STAG1: variants seen among roughly 807,000 people sequenced by gnomAD.
The protein encoded by STAG1 is cohesin subunit SA-1.
STAG1 carries 26 observed loss-of-function variants against 170.9 expected under a neutral mutation model. The ratio of observed to expected loss-of-function variants is 0.15; its 90% CI spans 0.11 to 0.21. STAG1 has a LOEUF of 0.21. Ranked by LOEUF, STAG1 falls within the 10% of genes least tolerant of loss-of-function variation. The pLI is 1.00. For synonymous variants in STAG1, 514 were observed against 497.7 expected (o/e 1.03, Z -0.44); for missense variants, 964 against 1,509.5 (o/e 0.64, Z 5.99).
intron 2 of STAG1, among the ~76,000 whole-genome samples, chr3:136,623,985 T>C (rs1490190129): frequency 6.6e-6 from 1 of 152,042 alleles, no homozygotes; most frequent in African/African-American, 2.4e-5. Flanking sequence ...ACATAAAGGA[T>C]ACTTAGCATA....
chr3:136,682,211 T>C (rs1942358850), intron 1 of STAG1, among the ~76,000 whole-genome samples: 1 of 151,900 alleles, frequency 6.6e-6, no homozygotes, highest in Non-Finnish European at 1.5e-5. Context: ...GGTGGGTGGA[T>C]CACCTAAGTT....
intron 3 of STAG1, among the ~76,000 whole-genome samples, chr3:136,615,809 AAC>A (rs916895538): frequency 6.1e-4 from 92 of 152,042 alleles, no homozygotes; most frequent in African/African-American, 2.2e-3. Flanking sequence ...AAAAAGAAAA[AAC>A]ATATTCCCAC....
At chr3:136,375,875 CAG>C (rs768334490) in intron 23 of STAG1, among the ~76,000 whole-genome samples, 76 of 151,488 alleles carry the variant, frequency 5.0e-4, no homozygotes, top group Non-Finnish European at 9.1e-4. Flanking sequence ...GAGGCTGAGA[CAG>C]GGAATTGCTT....
intron 14 of STAG1, among the ~76,000 whole-genome samples, chr3:136,449,850 A>G (rs1391548738): frequency 6.6e-6 from 1 of 151,966 alleles, no homozygotes; most frequent in East Asian, 1.9e-4. Flanking sequence ...CATATTCCCT[A>G]AACTTTTTAG....
intron 14 of STAG1, among the ~76,000 whole-genome samples, chr3:136,449,734 G>C (rs2088882945): frequency 6.6e-6 from 1 of 152,060 alleles, no homozygotes; most frequent in Non-Finnish European, 1.5e-5. Context: ...CAAAACGCCT[G>C]AAACTAAGTA....
At chr3:136,508,931 G>C (rs1190481626) in intron 7 of STAG1, among the ~76,000 whole-genome samples, 3 of 152,248 alleles carry the variant, frequency 2.0e-5, no homozygotes, top group Non-Finnish European at 4.4e-5. Flanking sequence ...AAAGATGCAA[G>C]AATATCTCTT....
intron 4 of STAG1, among the ~76,000 whole-genome samples, chr3:136,595,807 C>A (rs1159482268): frequency 6.6e-6 from 1 of 150,572 alleles, no homozygotes; most frequent in Non-Finnish European, 1.5e-5. Flanking sequence ...TACCTGCCCA[C>A]CAAATCATCA....
At chr3:136,382,392 C>T (rs1938016770) in intron 22 of STAG1, among the ~76,000 whole-genome samples, 1 of 150,720 alleles carries the variant, frequency 6.6e-6, no homozygotes, top group Non-Finnish European at 1.5e-5. Flanking sequence ...GTGAAACAAC[C>T]AAGGCTTTCT....
At chr3:136,681,697 C>T (rs1942342074) in intron 1 of STAG1, among the ~76,000 whole-genome samples, 1 of 151,908 alleles carries the variant, frequency 6.6e-6, no homozygotes, top group Non-Finnish European at 1.5e-5. Context: ...TAAACCATAA[C>T]CAAATGACAT....
At chr3:136,604,082 T>C (rs916111004) in intron 4 of STAG1, among the ~76,000 whole-genome samples, 3 of 151,444 alleles carry the variant, frequency 2.0e-5, no homozygotes, top group African/African-American at 7.4e-5. Flanking sequence ...CAGCTTCTAG[T>C]AGACCTTTTT....
At chr3:136,540,033 T>C (rs1270468953) in intron 6 of STAG1, among the ~76,000 whole-genome samples, 2 of 151,912 alleles carry the variant, frequency 1.3e-5, no homozygotes, top group African/African-American at 2.4e-5. Context: ...TCAGATCTTT[T>C]AGAATATTAT....
At chr3:136,528,210 T>C (rs1261323389) in intron 6 of STAG1, among the ~76,000 whole-genome samples, 1 of 152,200 alleles carries the variant, frequency 6.6e-6, no homozygotes, top group Non-Finnish European at 1.5e-5. Flanking sequence ...ACAGGCCTCC[T>C]TGAGCTGTGG....
chr3:136,466,731 A>C (rs2089473019), intron 12 of STAG1, among the ~76,000 whole-genome samples: 1 of 152,182 alleles, frequency 6.6e-6, no homozygotes, highest in African/African-American at 2.4e-5. Context: ...ATGAAGGAAA[A>C]AATGTTAAGG....
In STAG1 at chr3:136,645,883, T is replaced by C. The variant is rs115059544; in HGVS notation, c.-83-14902A>G. On this transcript the variant is annotated intron_variant, in intron 1 of 33. Coordinates refer to ENST00000383202, the MANE Select transcript of STAG1 (RefSeq NM_005862.3). ...ACATTCACTGAAGGTATCTGCATCTTAGTCTTATTTCTGCCCTGCCCTACC... is the reference window on the plus strand; with the variant it reads ...ACATTCACTGAAGGTATCTGCATCTCAGTCTTATTTCTGCCCTGCCCTACC... Among the ~76,000 whole-genome samples, 528 of 152,330 alleles carry C rather than the reference T, an allele frequency of 3.5e-3. 1 individual carries two copies. Among genetic ancestry groups the C allele is most frequent in the African/African-American group, 0.012 (502 of 41,580 alleles).
rs746840862 is a variant in STAG1, at chr3:136,521,395, G to A, written c.494C>T (p.Thr165Ile). ...FDEDSGDYPL[T>I]MPGPQWKKFR... ...TTTTTTCCACTGAGGTCCAGGCATGGTAAGAGGATAATCACCACTGTCCTA... is the reference window on the plus strand; with the variant it reads ...TTTTTTCCACTGAGGTCCAGGCATGATAAGAGGATAATCACCACTGTCCTA... Residue 165 changes from threonine to isoleucine, a missense_variant, in exon 7 of 34, where the codon ACC (threonine) becomes ATC (isoleucine). Transcript: ENST00000383202. The A allele has an allele frequency of 1.2e-6, 2 of 1,613,382 alleles. No individual in the cohort carries two copies. The highest frequency in any genetic ancestry group is 1.7e-5 in the Admixed American group (1 of 59,924).
At chr3:136,383,102 G>A (rs897354902) in intron 22 of STAG1, among the ~76,000 whole-genome samples, 1 of 152,110 alleles carries the variant, frequency 6.6e-6, no homozygotes, top group Non-Finnish European at 1.5e-5. Context: ...GTTGAGGAAG[G>A]CTGCCATTAC....
At chr3:136,705,397 AC>A (rs1943201276) in intron 1 of STAG1, among the ~76,000 whole-genome samples, 1 of 150,436 alleles carries the variant, frequency 6.6e-6, no homozygotes, top group Non-Finnish European at 1.5e-5. Context: ...ACACACACAC[AC>A]ACACACACAC....
chr3:136,490,031 T>TTTTAA (rs544484327), intron 9 of STAG1, among the ~76,000 whole-genome samples: 2 of 152,110 alleles, frequency 1.3e-5, no homozygotes, highest in African/African-American at 2.4e-5. Flanking sequence ...TTAATTTTAG[T>TTTTAA]TTTAATTTAA....
chr3:136,348,520 C>T (rs1936318544), intron 29 of STAG1, among the ~76,000 whole-genome samples: 1 of 152,090 alleles, frequency 6.6e-6, no homozygotes, highest in Non-Finnish European at 1.5e-5. Context: ...GTGATTCTCC[C>T]ACCTCGGCTT....
Sources: allele counts gnomAD v4.1 joint callset (sites outside exome capture counted in the v4.1 genomes callset), GRCh38; gene constraint gnomAD v4.1.1; transcripts MANE v1.5; gene names NCBI Gene and HGNC (gene_info 2026-07-23, HGNC 2026-07-21).